The following DKK3 variants were observed in gnomAD, a reference collection of about 807,000 sequenced individuals.
DKK3 encodes the protein dickkopf-related protein 3.
Under a neutral mutation model 33.2 loss-of-function variants are expected in DKK3, and 22 were observed. The ratio of observed to expected loss-of-function variants is 0.66; its 90% CI spans 0.47 to 0.95. The LOEUF (loss-of-function observed/expected upper bound fraction) is 0.95. Ranked by LOEUF, DKK3 falls within the 40% of genes least tolerant of loss-of-function variation. DKK3 has a pLI of 0.00. For synonymous variants in DKK3, 194 were observed against 188.8 expected (o/e 1.03, Z -0.23); for missense variants, 398 against 458.4 (o/e 0.87, Z 1.20).
chr11:11,993,468 C>A (rs924454335), intron 3 of DKK3, among the ~76,000 whole-genome samples: 1 of 151,978 alleles, frequency 6.6e-6, no homozygotes. Flanking sequence ...GATGTGGAAT[C>A]GCTTCTATTT....
chr11:11,964,565 G>A lies in DKK3; in HGVS notation c.952C>T (p.Arg318Cys), dbSNP rs201778105. ...CTCTCCAGGTCCTCCAGCTCCTGGCGCACCTCCTCCATGAAGCTGCCAACT... is the reference window on the plus strand; with the variant it reads ...CTCTCCAGGTCCTCCAGCTCCTGGCACACCTCCTCCATGAAGCTGCCAACT... ...YEVGSFMEEV[R>C]QELEDLERSL... is the part of the protein sequence containing the mutation. Residue 318 changes from arginine to cysteine, a missense_variant, in exon 7 of 7, where the codon CGC (arginine) becomes TGC (cysteine). Coordinates refer to ENST00000683431, the MANE Select transcript of DKK3 (RefSeq NM_001018057.2). 54 of 1,614,130 alleles carry A rather than the reference G, an allele frequency of 3.3e-5. No individual in the cohort carries two copies. Among genetic ancestry groups the A allele is most frequent in the East Asian group, 6.7e-5 (3 of 44,872 alleles).
chr11:11,998,667 G>A, intron 3 of DKK3, 29 bp downstream of exon 3: 1 of 1,588,010 alleles, frequency 6.3e-7, no homozygotes, highest in Non-Finnish European at 8.6e-7. Flanking sequence ...GTGTGTCGGG[G>A]TGCAAGTACA....
chr11:11,970,700 AGT>A (rs1169748522), intron 3 of DKK3, among the ~76,000 whole-genome samples: 1 of 152,252 alleles, frequency 6.6e-6, no homozygotes, highest in African/African-American at 2.4e-5. Flanking sequence ...AGGAAGAGAC[AGT>A]GTCAGAGTGA....
intron 3 of DKK3, among the ~76,000 whole-genome samples, chr11:11,993,347 T>C (rs1217236576): frequency 6.6e-6 from 1 of 152,008 alleles, no homozygotes; most frequent in Non-Finnish European, 1.5e-5. Context: ...ATATTTTATA[T>C]ACTTTAAATA....
chr11:11,964,545 C>T lies in DKK3; in HGVS notation c.972G>A (p.Leu324=). The change falls in exon 7 of 7, where the codon CTG becomes CTA. Residue 324 remains leucine (L), a synonymous_variant. Coordinates refer to ENST00000683431, the MANE Select transcript of DKK3 (RefSeq NM_001018057.2). The part of the protein sequence containing the change: ...MEEVRQELED[L]ERSLTEEMAL... ...CCATCTCTTCAGTCAGGCTCCTCTC[C>T]AGGTCCTCCAGCTCCTGGCGCACCT... 6.2e-7 allele frequency: 1 copy of T among 1,614,160 alleles called. No homozygotes were observed. Among genetic ancestry groups the T allele is most frequent in the Admixed American group, 1.7e-5 (1 of 60,036 alleles).
At chr11:12,003,742 T>A (rs564826386) in intron 1 of DKK3, among the ~76,000 whole-genome samples, 140 of 148,796 alleles carry the variant, frequency 9.4e-4, no homozygotes, top group African/African-American at 3.1e-3. Flanking sequence ...TTTTATTTTT[T>A]TTTTTAAAAA....
At chr11:11,992,265 A>T (rs1848203022) in intron 3 of DKK3, among the ~76,000 whole-genome samples, 1 of 152,214 alleles carries the variant, frequency 6.6e-6, no homozygotes, top group African/African-American at 2.4e-5. Flanking sequence ...AGGTACTGTT[A>T]TTAAGCCCAT....
At chr11:11,983,942 C>T (rs1329499069) in intron 3 of DKK3, among the ~76,000 whole-genome samples, 1 of 152,212 alleles carries the variant, frequency 6.6e-6, no homozygotes, top group Non-Finnish European at 1.5e-5. Context: ...TGGCATGATT[C>T]GAGGAACCTC....
At chr11:12,004,741 A>G (rs1355981087) in intron 1 of DKK3, among the ~76,000 whole-genome samples, 2 of 152,226 alleles carry the variant, frequency 1.3e-5, no homozygotes, top group African/African-American at 4.8e-5. Flanking sequence ...GAATTAAGGC[A>G]TGAAATACAC....
rs527333477 is a variant in DKK3 at position 11,968,320 on chromosome 11, G to A, written c.528+75C>T. On this transcript the variant is annotated intron_variant, in intron 4 of 6. Coordinates refer to ENST00000683431, the MANE Select transcript of DKK3 (RefSeq NM_001018057.2). ...TCTTCTGGGAAGCCCAGCTGAGAAC[G>A]CTGGGGCCCCTGGCTTTCTCCCCCA... 5.0e-5 allele frequency: 71 copies of A among 1,426,124 alleles called. No individual in the cohort carries two copies. The Middle Eastern group carries it at 5.6e-4, about 11-fold the overall frequency. 88.3% of individuals were successfully genotyped at this position (1,426,124 alleles called of 1,614,324 possible). A position where few individuals can be genotyped will look rare whatever the true frequency, so the allele number is the denominator to read the frequency against.
intron 1 of DKK3, among the ~76,000 whole-genome samples, chr11:12,002,979 C>T (rs542439850): frequency 6.6e-6 from 1 of 152,354 alleles, no homozygotes; most frequent in South Asian, 2.1e-4. Flanking sequence ...TGGAGGTAAA[C>T]AGTCTAGCTT....
Position 11,968,414 on chromosome 11 carries a change from G to A in DKK3, c.509C>T (p.Pro170Leu), listed in dbSNP as rs1338711874. ...ACTCACCATCCTCTGGCCCCGGCAT[G>A]GCTGGCAGGTGTACTGGAAGCTGGC... ...QFASFQYTCQ[P>L]CRGQRMLCTR... Residue 170 changes from proline (P) to leucine (L), a missense_variant, in exon 4 of 7, where the codon CCA becomes CTA. By Grantham distance (98) the Pro-to-Leu change is moderately conservative. Transcript: ENST00000683431. 1 of 1,613,094 alleles carries A rather than the reference G, an allele frequency of 6.2e-7. No individual in the cohort carries two copies. The highest frequency in any genetic ancestry group is 1.7e-5 in the Admixed American group (1 of 59,940).
chr11:11,965,680 A>G, intron 6 of DKK3, 129 bp downstream of exon 6: 1 of 1,193,152 alleles, frequency 8.4e-7, no homozygotes, highest in Non-Finnish European at 1.1e-6. Flanking sequence ...TGACCCAACG[A>G]CCTCTCAAAC....
At chr11:11,991,174 C>T (rs184391580) in intron 3 of DKK3, among the ~76,000 whole-genome samples, 1 of 152,328 alleles carries the variant, frequency 6.6e-6, no homozygotes, top group East Asian at 1.9e-4. Flanking sequence ...GGACTGCAAG[C>T]AAACCTGCCC....
At position 12,008,304 on chromosome 11, in the gene DKK3, C is replaced by G. The variant is rs1448441764; in HGVS notation, c.213+66G>C. On this transcript the variant is annotated intron_variant, in intron 1 of 6. Coordinates refer to ENST00000683431, the MANE Select transcript of DKK3 (RefSeq NM_001018057.2). The surrounding 1 kb of genome is among the most constrained non-coding windows in gnomAD (Gnocchi z 4.6). ...GTCCCTGGCCAGCGCTCTTCCATGC[C>G]TTCCCAGACTTCGCTGCCCCCAGTC... 7 of 1,526,946 alleles carry G rather than the reference C, an allele frequency of 4.6e-6. No individual in the cohort carries two copies. The East Asian group carries it at 1.7e-4, about 37-fold the overall frequency. The allele number at this position is 1,526,946 out of a possible 1,614,324, so 94.6% of individuals were successfully genotyped here.
intron 3 of DKK3, among the ~76,000 whole-genome samples, chr11:11,996,898 A>G (rs1353553857): frequency 6.6e-6 from 1 of 152,240 alleles, no homozygotes; most frequent in Admixed American, 6.5e-5. Flanking sequence ...AGATCTGAAG[A>G]AGAGTACACA....
intron 3 of DKK3, among the ~76,000 whole-genome samples, chr11:11,995,427 A>C (rs1190257585): frequency 6.6e-6 from 1 of 152,132 alleles, no homozygotes; most frequent in East Asian, 1.9e-4. Flanking sequence ...CTTGTACATG[A>C]TTGAACTTAC....
chr11:11,970,448 G>A (rs568176225), intron 3 of DKK3, among the ~76,000 whole-genome samples: 66 of 152,240 alleles, frequency 4.3e-4, no homozygotes, highest in African/African-American at 1.5e-3. Flanking sequence ...CACTTAGAAT[G>A]GAAGAAATTA....
intron 3 of DKK3, among the ~76,000 whole-genome samples, chr11:11,989,465 C>T (rs1224939923): frequency 6.6e-6 from 1 of 152,134 alleles, no homozygotes; most frequent in Non-Finnish European, 1.5e-5. Flanking sequence ...GAGGACATTA[C>T]ACTAAGAGAA....
Sources: allele counts gnomAD v4.1 joint callset (sites outside exome capture counted in the v4.1 genomes callset), GRCh38; gene constraint gnomAD v4.1.1; non-coding constraint Gnocchi (gnomAD v3.1); transcripts MANE v1.5; gene names NCBI Gene and HGNC (gene_info 2026-07-23, HGNC 2026-07-21).